Variants in COL8A1 observed in about 807,000 individuals in gnomAD.
COL8A1 encodes collagen alpha-1(VIII) chain.
COL8A1 carries 21 observed loss-of-function variants against 42.7 expected under a neutral mutation model. The ratio of observed to expected loss-of-function variants is 0.49; its 90% CI spans 0.35 to 0.71. COL8A1 has a LOEUF of 0.71. Ranked by LOEUF, COL8A1 falls within the 30% of genes least tolerant of loss-of-function variation. The pLI, the probability that COL8A1 is intolerant of heterozygous loss-of-function variation, is 0.01. For synonymous variants in COL8A1, 367 were observed against 369.1 expected (o/e 0.99, Z 0.06); for missense variants, 788 against 962.4 (o/e 0.82, Z 2.40).
At chr3:99,768,085 G>C (rs374662696) in intron 2 of COL8A1, among the ~76,000 whole-genome samples, 24 of 152,280 alleles carry the variant, frequency 1.6e-4, no homozygotes, top group Middle Eastern at 6.8e-3. Flanking sequence ...CGACAGTAAG[G>C]CAAATTATTG....
chr3:99,711,589 C>T (rs1271587935), intron 1 of COL8A1, among the ~76,000 whole-genome samples: 1 of 152,036 alleles, frequency 6.6e-6, no homozygotes, highest in African/African-American at 2.4e-5. Flanking sequence ...ATGGAAGTGA[C>T]CTAATACCTG....
chr3:99,681,522 T>G (rs1412048183), intron 1 of COL8A1, among the ~76,000 whole-genome samples: 2 of 151,948 alleles, frequency 1.3e-5, no homozygotes, highest in African/African-American at 2.4e-5. Context: ...AGAGTTTGAG[T>G]GGGGAGTGTA....
rs1245958659 is a variant in COL8A1, at chr3:99,796,855, C to G, written c.*719C>G. ...CACTGGGTAAGGCACTTTTGTGGAG[C>G]ATTAGACAGTAACCCTCAAGGAGCT... is the stretch of plus-strand genomic sequence containing the variant. On this transcript the variant is annotated 3_prime_UTR_variant, in exon 4 of 4. Transcript: ENST00000652472. The G allele has an allele frequency of 1.3e-5, 2 of 152,190 alleles. No homozygotes were observed. Among genetic ancestry groups the G allele is most frequent in the African/African-American group, 4.8e-5 (2 of 41,452 alleles). 9.4% of individuals were successfully genotyped at this position (152,190 alleles called of 1,614,324 possible).
At chr3:99,787,514 T>C (rs1420798882) in intron 2 of COL8A1, among the ~76,000 whole-genome samples, 1 of 152,240 alleles carries the variant, frequency 6.6e-6, no homozygotes, top group Non-Finnish European at 1.5e-5. Flanking sequence ...TGGTTTTGAT[T>C]TGTCTTTCTG....
intron 2 of COL8A1, among the ~76,000 whole-genome samples, chr3:99,761,446 C>T (rs144199353): frequency 1.2e-4 from 19 of 152,238 alleles, no homozygotes; most frequent in Non-Finnish European, 2.6e-4. Context: ...AGCTGATTCT[C>T]GGAGTTGAAA....
intron 1 of COL8A1, among the ~76,000 whole-genome samples, chr3:99,700,056 G>A (rs182344254): frequency 2.0e-5 from 3 of 152,280 alleles, no homozygotes; most frequent in Admixed American, 1.3e-4. Context: ...AGACTCCAAT[G>A]CAGTCGGTCT....
chr3:99,672,190 G>A (rs1168746009), intron 1 of COL8A1, among the ~76,000 whole-genome samples: 3 of 151,956 alleles, frequency 2.0e-5, no homozygotes, highest in East Asian at 1.9e-4. Context: ...ATTAATTAAC[G>A]TCCTTGTTTT....
In COL8A1 at chr3:99,794,127, A is replaced by T; in HGVS notation, c.329-103A>T. 1 of 714,692 alleles carries T rather than the reference A, an allele frequency of 1.4e-6. No homozygotes were observed. The highest frequency in any genetic ancestry group is 3.2e-4 in the Middle Eastern group (1 of 3,172). 44.3% of individuals were successfully genotyped at this position (714,692 alleles called of 1,614,324 possible). A position where few individuals can be genotyped will look rare whatever the true frequency, so the allele number is the denominator to read the frequency against. ...GATAAGTATTAGGCAAATGTGTCAGAACTAAATAATGGTTGTCAGTACTTC... is the reference window on the plus strand; with the variant it reads ...GATAAGTATTAGGCAAATGTGTCAGTACTAAATAATGGTTGTCAGTACTTC... On this transcript the variant is annotated intron_variant, in intron 3 of 3. Transcript: ENST00000652472. The surrounding 1 kb of genome is among the most constrained non-coding windows in gnomAD (Gnocchi z 4.3).
intron 2 of COL8A1, among the ~76,000 whole-genome samples, chr3:99,749,972 A>T (rs984266622): frequency 3.3e-5 from 5 of 151,840 alleles, no homozygotes; most frequent in African/African-American, 1.2e-4. Context: ...GCATGAGTTA[A>T]CTATATATTA....
At chr3:99,739,114 G>A (rs1940823741) in intron 1 of COL8A1, among the ~76,000 whole-genome samples, 1 of 152,144 alleles carries the variant, frequency 6.6e-6, no homozygotes, top group Non-Finnish European at 1.5e-5. Context: ...ACTGACCTGT[G>A]CCCACTGTCT....
At chr3:99,641,496 G>T (rs1030681508) in intron 1 of COL8A1, among the ~76,000 whole-genome samples, 1 of 152,204 alleles carries the variant, frequency 6.6e-6, no homozygotes, top group African/African-American at 2.4e-5. Context: ...AATTCTAAAA[G>T]CTATACTATG....
intron 1 of COL8A1, among the ~76,000 whole-genome samples, chr3:99,681,177 T>G (rs957198151): frequency 1.3e-5 from 2 of 152,070 alleles, no homozygotes; most frequent in Non-Finnish European, 2.9e-5. Flanking sequence ...CACAGCAAAA[T>G]AAACTACCAT....
At chr3:99,643,844 T>A (rs920677576) in intron 1 of COL8A1, among the ~76,000 whole-genome samples, 2 of 152,346 alleles carry the variant, frequency 1.3e-5, no homozygotes, top group South Asian at 4.1e-4. Context: ...GTAACTCTCC[T>A]CTTCCACCCA....
chr3:99,721,478 G>C (rs1940154333), intron 1 of COL8A1, among the ~76,000 whole-genome samples: 1 of 150,320 alleles, frequency 6.7e-6, no homozygotes, highest in South Asian at 2.2e-4. Flanking sequence ...GAAGGGAGGG[G>C]AAGGGAAGCC....
rs1477364411 is a variant in COL8A1 at position 99,790,835 on chromosome 3, C to A, written c.153C>A (p.Tyr51Ter). ...AGATGCCACCACAAATTCCACAATA[C>A]CAGCCCCTGGGTCAGCAAGTACCTC... ...PPQMPPQIPQ[Y>*]QPLGQQVPHM... is the part of the protein sequence containing the mutation. Residue 51 changes from tyrosine (Y) to a stop codon, truncating the protein, a stop_gained, in exon 3 of 4, where the codon TAC (tyrosine) becomes TAA (stop). Transcript: ENST00000652472. LOFTEE classifies it high-confidence loss of function. 1 of 1,614,240 alleles carries A rather than the reference C, an allele frequency of 6.2e-7. No individual in the cohort carries two copies. Among genetic ancestry groups the A allele is most frequent in the Admixed American group, 1.7e-5 (1 of 60,028 alleles).
chr3:99,759,973 T>C (rs1576466133), intron 2 of COL8A1, among the ~76,000 whole-genome samples: 2 of 152,290 alleles, frequency 1.3e-5, no homozygotes, highest in South Asian at 4.1e-4. Flanking sequence ...CATCACTCTC[T>C]TCCTCTTCTT....
chr3:99,741,265 G>A (rs1219960126), intron 1 of COL8A1, among the ~76,000 whole-genome samples: 1 of 151,852 alleles, frequency 6.6e-6, no homozygotes, highest in Non-Finnish European at 1.5e-5. Flanking sequence ...TTCCTATATG[G>A]TGTTAGTATT....
intron 1 of COL8A1, among the ~76,000 whole-genome samples, chr3:99,727,965 T>A (rs1329044656): frequency 6.7e-6 from 1 of 150,220 alleles, no homozygotes; most frequent in Admixed American, 6.6e-5. Flanking sequence ...AAACTCTCAA[T>A]AAATTAGGTA....
rs13081855 is a variant in COL8A1, at chr3:99,762,695, G to T, written c.-4+17674G>T. On this transcript the variant is annotated intron_variant, in intron 2 of 3. Transcript: ENST00000652472. ...CTTGCACCCCAGTGATACAGTGTATGTCAAGAGGCAGGACCCTGAACAAAA... is the reference window on the plus strand; with the variant it reads ...CTTGCACCCCAGTGATACAGTGTATTTCAAGAGGCAGGACCCTGAACAAAA... 0.08 allele frequency among the ~76,000 whole-genome samples: 12,131 copies of T among 152,282 alleles called. 583 individuals carry two copies. Among genetic ancestry groups the T allele is most frequent in the Middle Eastern group, 0.11 (32 of 294 alleles).
Sources: gnomAD v4.1 joint callset for allele counts (sites outside exome capture counted in the v4.1 genomes callset) on GRCh38, gnomAD v4.1.1 for gene constraint, Gnocchi (gnomAD v3.1) non-coding constraint, MANE v1.5 for transcripts, NCBI Gene and HGNC (gene_info 2026-07-23, HGNC 2026-07-21) for gene names.